The following CDH12 variants were observed in gnomAD, a reference collection of about 807,000 sequenced individuals.
CDH12 encodes cadherin-12.
In CDH12, 41 loss-of-function variants were observed where a neutral mutation model predicts 74.1. That is an observed-to-expected ratio of 0.55 (90% CI 0.43 to 0.72). The LOEUF is 0.72. Among genes scored for constraint, CDH12 ranks in the 30% least tolerant of loss-of-function variants. The probability of loss-of-function intolerance (pLI) is 0.00; values close to 1 mark genes in which losing one functional copy is unlikely to be tolerated. For missense variants in CDH12, 945 were observed against 977.2 expected (o/e 0.97, Z 0.44); for synonymous variants, 399 against 355.0 (o/e 1.12, Z -1.39).
At chr5:22,636,836 A>ACTT in intron 1 of CDH12, among the ~76,000 whole-genome samples, 2 of 152,330 alleles carry the variant, frequency 1.3e-5, no homozygotes, top group Admixed American at 1.3e-4. Context: ...TTATATCTCA[A>ACTT]TAAAATGTCT....
intron 1 of CDH12, among the ~76,000 whole-genome samples, chr5:22,824,382 T>C (rs1239373743): frequency 6.6e-6 from 1 of 152,092 alleles, no homozygotes; most frequent in Non-Finnish European, 1.5e-5. Context: ...TTTGCAAATA[T>C]GGGGGAAATT....
intron 1 of CDH12, among the ~76,000 whole-genome samples, chr5:22,571,643 C>A (rs1451926407): frequency 1.3e-5 from 2 of 152,118 alleles, no homozygotes; most frequent in Non-Finnish European, 2.9e-5. Context: ...TCTAACTTTT[C>A]ATTTAAAGTG....
chr5:22,629,364 A>G (rs1738463181), intron 1 of CDH12, among the ~76,000 whole-genome samples: 1 of 152,106 alleles, frequency 6.6e-6, no homozygotes, highest in South Asian at 2.1e-4. Context: ...AAAATTCTCA[A>G]CAAAATACTA....
At chr5:22,047,902 A>G (rs1018117364) in intron 5 of CDH12, among the ~76,000 whole-genome samples, 7 of 152,172 alleles carry the variant, frequency 4.6e-5, no homozygotes, top group Non-Finnish European at 1.0e-4. Flanking sequence ...AGCTAAAACC[A>G]GTGAGGTAAA....
intron 3 of CDH12, among the ~76,000 whole-genome samples, chr5:22,296,987 TCTTTC>T (rs1021255071): frequency 9.8e-6 from 1 of 102,226 alleles, no homozygotes; most frequent in African/African-American, 3.1e-5. Flanking sequence ...TTCTTTTCTT[TCTTTC>T]TTTTTTAATT....
At chr5:22,643,293 T>G (rs993835301) in intron 1 of CDH12, among the ~76,000 whole-genome samples, 3 of 152,176 alleles carry the variant, frequency 2.0e-5, no homozygotes, top group African/African-American at 7.2e-5. Flanking sequence ...GTCGACTTAC[T>G]ATTGTGATTT....
intron 2 of CDH12, among the ~76,000 whole-genome samples, chr5:22,406,255 C>G (rs1474408242): frequency 6.6e-6 from 1 of 152,056 alleles, no homozygotes; most frequent in African/African-American, 2.4e-5. Context: ...GAAATGAAAA[C>G]AACTTTTAGG....
At chr5:21,809,689 C>T (rs1223402557) in intron 9 of CDH12, among the ~76,000 whole-genome samples, 3 of 152,072 alleles carry the variant, frequency 2.0e-5, no homozygotes, top group African/African-American at 7.2e-5. Flanking sequence ...AAACAGTAAA[C>T]CAACAGAAGA....
intron 1 of CDH12, among the ~76,000 whole-genome samples, chr5:22,594,740 T>C (rs1049014313): frequency 1.3e-5 from 2 of 152,146 alleles, no homozygotes. Flanking sequence ...TTAAACTTTA[T>C]GGGGACGAAA....
intron 1 of CDH12, among the ~76,000 whole-genome samples, chr5:22,681,070 C>CTAATTT (rs1276916979): frequency 6.6e-6 from 1 of 151,880 alleles, no homozygotes; most frequent in Non-Finnish European, 1.5e-5. Flanking sequence ...AAGAAGTCTA[C>CTAATTT]TAATTTTAAT....
intron 2 of CDH12, among the ~76,000 whole-genome samples, chr5:22,414,032 A>C (rs923476147): frequency 3.9e-5 from 6 of 152,010 alleles, no homozygotes; most frequent in African/African-American, 1.4e-4. Flanking sequence ...AATAATTTTT[A>C]ATCAGATAAT....
chr5:21,870,678 T>G (rs1426037448), intron 6 of CDH12, among the ~76,000 whole-genome samples: 1 of 152,152 alleles, frequency 6.6e-6, no homozygotes, highest in African/African-American at 2.4e-5. Flanking sequence ...ATAAATGGCT[T>G]CTCCATCCTC....
At chr5:21,808,997 T>A (rs1018119749) in intron 9 of CDH12, among the ~76,000 whole-genome samples, 7 of 152,020 alleles carry the variant, frequency 4.6e-5, no homozygotes, top group African/African-American at 1.4e-4. Flanking sequence ...AACATATAAT[T>A]ACTAGGCAAA....
At chr5:22,631,345 C>A (rs2126856818) in intron 1 of CDH12, among the ~76,000 whole-genome samples, 1 of 152,234 alleles carries the variant, frequency 6.6e-6, no homozygotes, top group Non-Finnish European at 1.5e-5. Flanking sequence ...TATATGCGTA[C>A]TGCAGCACTA....
chr5:22,678,866 A>G (rs1256545157), intron 1 of CDH12, among the ~76,000 whole-genome samples: 1 of 152,136 alleles, frequency 6.6e-6, no homozygotes, highest in East Asian at 1.9e-4. Context: ...ATCACTTTGA[A>G]TACATGTAAG....
At chr5:22,115,362 A>G (rs1341612382) in intron 4 of CDH12, among the ~76,000 whole-genome samples, 1 of 152,200 alleles carries the variant, frequency 6.6e-6, no homozygotes, top group Non-Finnish European at 1.5e-5. Context: ...TCACGTAGTT[A>G]CAAACACATA....
At chr5:22,068,483 C>T (rs72740000) in intron 5 of CDH12, among the ~76,000 whole-genome samples, 1 of 152,250 alleles carries the variant, frequency 6.6e-6, no homozygotes, top group Non-Finnish European at 1.5e-5. Flanking sequence ...TTTAGCAGTG[C>T]ACCTGGTTTT....
chr5:22,029,832 T>A (rs1416893223), intron 5 of CDH12, among the ~76,000 whole-genome samples: 1 of 151,822 alleles, frequency 6.6e-6, no homozygotes, highest in African/African-American at 2.4e-5. Context: ...ATTGCGGCAC[T>A]ATTCACAATA....
rs987328443 is a variant in CDH12, at chr5:22,293,836, C to T, written c.-332-81193G>A. Among the ~76,000 whole-genome samples the T allele has an allele frequency of 6.6e-5, 10 of 152,064 alleles. No homozygotes were observed. In the South Asian group the frequency reaches 8.3e-4, roughly 13 times the overall value. On this transcript the variant is annotated intron_variant, in intron 3 of 14. Coordinates refer to ENST00000382254, the MANE Select transcript of CDH12 (RefSeq NM_004061.5). The stretch of plus-strand genomic sequence containing the variant: ...GTAGGATGGTGGCTACCAGAGGCTA[C>T]GGTGGTTGGGGGTTAAGGTGGTGTT...
Sources: gnomAD v4.1 joint callset for allele counts (sites outside exome capture counted in the v4.1 genomes callset) on GRCh38, gnomAD v4.1.1 for gene constraint, MANE v1.5 for transcripts, NCBI Gene and HGNC (gene_info 2026-07-23, HGNC 2026-07-21) for gene names.